SLC44A5: variants seen among roughly 807,000 people sequenced by gnomAD.
SLC44A5 encodes the protein solute carrier family 44 member 5.
A neutral mutation model predicts 101.8 loss-of-function variants in SLC44A5; 57 were observed. The ratio of observed to expected loss-of-function variants is 0.56; its 90% CI spans 0.45 to 0.70. The LOEUF (loss-of-function observed/expected upper bound fraction) is 0.70, where lower values mean the gene tolerates loss of function less well. Among genes scored for constraint, SLC44A5 ranks in the 30% least tolerant of loss-of-function variants. The pLI, the probability that SLC44A5 is intolerant of heterozygous loss-of-function variation, is 0.00. For missense variants in SLC44A5, 737 were observed against 853.1 expected (o/e 0.86, Z 1.70); for synonymous variants, 281 against 290.9 (o/e 0.97, Z 0.35).
upstream of SLC44A5, chr1:75,615,714 C>T: frequency 2.4e-6 from 1 of 420,646 alleles, no homozygotes; most frequent in African/African-American, 2.1e-5. Flanking sequence ...GTTTCCCCCA[C>T]CCCCTCCCCG....
the SLC44A5 span, among the ~76,000 whole-genome samples, chr1:75,665,392 T>G: frequency 6.6e-6 from 1 of 151,944 alleles, no homozygotes; most frequent in Non-Finnish European, 1.5e-5. Context: ...ACGTTAACTG[T>G]CCAGCCATAT....
chr1:75,569,577 G>T (rs1416705308), intron 1 of SLC44A5, among the ~76,000 whole-genome samples: 1 of 152,024 alleles, frequency 6.6e-6, no homozygotes, highest in East Asian at 1.9e-4. Flanking sequence ...ACATTCTATT[G>T]AATGAATTAT....
the SLC44A5 span, among the ~76,000 whole-genome samples, chr1:75,624,784 A>C: frequency 6.6e-6 from 1 of 151,978 alleles, no homozygotes; most frequent in Non-Finnish European, 1.5e-5. Context: ...TGAGTTGCCC[A>C]CTCACAGCCA....
chr1:75,475,794 C>T (rs973570202), intron 2 of SLC44A5, among the ~76,000 whole-genome samples: 2 of 152,240 alleles, frequency 1.3e-5, no homozygotes, highest in Non-Finnish European at 2.9e-5. Context: ...ATAGATCCTA[C>T]TCCCAGCTTT....
the SLC44A5 span, among the ~76,000 whole-genome samples, chr1:75,699,565 C>G: frequency 6.6e-6 from 1 of 150,676 alleles, no homozygotes; most frequent in Admixed American, 6.6e-5. Context: ...AATGTAAACA[C>G]CATCGAGACT....
At chr1:75,513,774 A>T (rs1669685366) in intron 2 of SLC44A5, among the ~76,000 whole-genome samples, 1 of 152,130 alleles carries the variant, frequency 6.6e-6, no homozygotes, top group Admixed American at 6.5e-5. Flanking sequence ...TCTTCTCTTC[A>T]TTGTATGATG....
intron 3 of SLC44A5, among the ~76,000 whole-genome samples, chr1:75,385,250 A>T (rs1661224368): frequency 7.0e-6 from 1 of 143,626 alleles, no homozygotes. Context: ...AACCCTTCAA[A>T]AAATTAATGA....
chr1:75,648,672 C>G, the SLC44A5 span, among the ~76,000 whole-genome samples: 1,555 of 152,024 alleles, frequency 0.01, 194 homozygotes, highest in East Asian at 0.26. Flanking sequence ...CCAAGGTGCC[C>G]TATTTTGGGG....
chr1:75,505,295 C>T (rs113074021), intron 2 of SLC44A5, among the ~76,000 whole-genome samples: 2 of 152,242 alleles, frequency 1.3e-5, no homozygotes, highest in African/African-American at 4.8e-5. Context: ...CATGTCTTTG[C>T]TACTGTGAAT....
intron 5 of SLC44A5, among the ~76,000 whole-genome samples, chr1:75,278,680 A>G (rs1652132882): frequency 6.6e-6 from 1 of 152,198 alleles, no homozygotes; most frequent in Admixed American, 6.5e-5. Context: ...TGAGTAGTCA[A>G]GTGCTTACAC....
intron 1 of SLC44A5, among the ~76,000 whole-genome samples, chr1:75,580,172 T>C (rs1354208747): frequency 6.6e-6 from 1 of 152,192 alleles, no homozygotes; most frequent in African/African-American, 2.4e-5. Context: ...AAAAATATTA[T>C]ATTTTTAGCA....
chr1:75,245,981 G>A (rs1274244012), intron 7 of SLC44A5, among the ~76,000 whole-genome samples: 1 of 152,088 alleles, frequency 6.6e-6, no homozygotes, highest in Non-Finnish European at 1.5e-5. Context: ...CAAAAACATC[G>A]TGCATAGAAA....
At chr1:75,318,655 C>T (rs1655901083) in intron 4 of SLC44A5, among the ~76,000 whole-genome samples, 2 of 152,140 alleles carry the variant, frequency 1.3e-5, no homozygotes, top group African/African-American at 4.8e-5. Context: ...AAAAGAATGA[C>T]ACATAAGCCA....
the SLC44A5 span, chr1:75,710,562 T>TAAAAAA: frequency 5.7e-5 from 3 of 52,310 alleles, no homozygotes; most frequent in African/African-American, 2.6e-4. Flanking sequence ...AGACCCTACC[T>TAAAAAA]AAAAAAAAAA....
chr1:75,436,793 TA>T, intron 2 of SLC44A5, among the ~76,000 whole-genome samples: 1 of 152,298 alleles, frequency 6.6e-6, no homozygotes, highest in Non-Finnish European at 1.5e-5. Context: ...TATACAGTTA[TA>T]AAAAAAGTCT....
chr1:75,408,677 G>T (rs950456235), intron 2 of SLC44A5, among the ~76,000 whole-genome samples: 8 of 151,902 alleles, frequency 5.3e-5, no homozygotes, highest in African/African-American at 1.9e-4. Flanking sequence ...ATGGACACAG[G>T]GAGGGGAACA....
At chr1:75,318,899 G>A (rs1213171196) in intron 4 of SLC44A5, among the ~76,000 whole-genome samples, 1 of 152,068 alleles carries the variant, frequency 6.6e-6, no homozygotes, top group Non-Finnish European at 1.5e-5. Flanking sequence ...AGTTAATCTA[G>A]CATTCTTCAT....
chr1:75,330,756 C>T (rs1168589369), intron 4 of SLC44A5, among the ~76,000 whole-genome samples: 3 of 152,100 alleles, frequency 2.0e-5, no homozygotes, highest in Non-Finnish European at 4.4e-5. Flanking sequence ...ATTCACCTCA[C>T]AATCTCTAAT....
In SLC44A5 at chr1:75,495,923, C is replaced by T. The variant is rs374824072; in HGVS notation, c.13+45512G>A. Among the ~76,000 whole-genome samples the T allele has an allele frequency of 1.4e-4, 22 of 152,054 alleles. 1 individual carries two copies. Among genetic ancestry groups the T allele is most frequent in the East Asian group, 1.3e-3 (7 of 5,192 alleles). On this transcript the variant is annotated intron_variant, in intron 2 of 23. Transcript: ENST00000370859. ...ATGGAGAATGGGGTTTCCATCCCCT[C>T]AAGCATTTATCTTTTGTGCTACAAA...
Sources: allele counts gnomAD v4.1 joint callset (sites outside exome capture counted in the v4.1 genomes callset), GRCh38; gene constraint gnomAD v4.1.1; transcripts MANE v1.5; gene names NCBI Gene and HGNC (gene_info 2026-07-23, HGNC 2026-07-21).